The following CYB5B variants were observed in gnomAD, a reference collection of about 807,000 sequenced individuals.
CYB5B encodes the protein cytochrome b5 type B.
In CYB5B, 14 loss-of-function variants were observed where a neutral mutation model predicts 21.3. That is an observed-to-expected ratio of 0.66 (90% CI 0.43 to 1.03). The LOEUF (loss-of-function observed/expected upper bound fraction) is 1.03, where lower values mean the gene tolerates loss of function less well. Among genes scored for constraint, CYB5B ranks in the 50% least tolerant of loss-of-function variants. The pLI, the probability that CYB5B is intolerant of heterozygous loss-of-function variation, is 0.00. For missense variants in CYB5B, 166 were observed against 185.1 expected (o/e 0.90, Z 0.60); for synonymous variants, 69 against 68.4 (o/e 1.01, Z -0.04).
chr16:69,436,483 C>G (rs1261606388), intron 1 of CYB5B, among the ~76,000 whole-genome samples: 1 of 152,160 alleles, frequency 6.6e-6, no homozygotes, highest in Non-Finnish European at 1.5e-5. Context: ...CTTTTCTTAT[C>G]AGGCTCATTC....
At chr16:69,441,582 C>G (rs1046553445) in intron 1 of CYB5B, among the ~76,000 whole-genome samples, 1 of 152,202 alleles carries the variant, frequency 6.6e-6, no homozygotes, top group African/African-American at 2.4e-5. Flanking sequence ...AAATGGTACC[C>G]TGCCACTTCC....
At chr16:69,425,364 T>TC (rs1555509139) in intron 1 of CYB5B, among the ~76,000 whole-genome samples, 6 of 151,558 alleles carry the variant, frequency 4.0e-5, no homozygotes, top group African/African-American at 7.3e-5. Flanking sequence ...TGTTTTTTTT[T>TC]CCCCCTAATC....
intron 4 of CYB5B, among the ~76,000 whole-genome samples, chr16:69,460,595 T>A (rs1454465665): frequency 6.6e-6 from 1 of 152,210 alleles, no homozygotes; most frequent in Non-Finnish European, 1.5e-5. Context: ...ATAATCACTT[T>A]GGAAAACAGT....
At chr16:69,440,575 A>G (rs2014809730) in intron 1 of CYB5B, among the ~76,000 whole-genome samples, 1 of 152,162 alleles carries the variant, frequency 6.6e-6, no homozygotes, top group Admixed American at 6.5e-5. Flanking sequence ...TCAGTTCAAC[A>G]TGTTGCATTC....
At position 69,462,446 on chromosome 16, in the gene CYB5B, A is replaced by G. The variant is rs763725364; in HGVS notation, c.379A>G (p.Ile127Val). The G allele has an allele frequency of 6.2e-7, 1 of 1,613,996 alleles. No individual in the cohort carries two copies. Among genetic ancestry groups the G allele is most frequent in the East Asian group, 2.2e-5 (1 of 44,872 alleles). Residue 127 changes from isoleucine to valine, a missense_variant, in exon 5 of 5, where the codon ATT becomes GTT. Transcript: ENST00000307892. ...DTCKSCWAYW[I>V]LPIIGAVLLG... ...TATTCCTAGTTGCTGGGCATATTGG[A>G]TTTTACCCATCATAGGCGCTGTTCT...
At chr16:69,428,383 G>A (rs2014670544) in intron 1 of CYB5B, among the ~76,000 whole-genome samples, 1 of 152,088 alleles carries the variant, frequency 6.6e-6, no homozygotes, top group African/African-American at 2.4e-5. Context: ...CAGGGGGCTG[G>A]ACACGGTGGC....
chr16:69,465,390 A>T lies in CYB5B; in HGVS notation c.*2870A>T, dbSNP rs1241607967. 3 of 152,104 alleles carry T rather than the reference A, an allele frequency of 2.0e-5. No individual in the cohort carries two copies. Among genetic ancestry groups the T allele is most frequent in the Admixed American group, 6.5e-5 (1 of 15,276 alleles). 9.4% of individuals were successfully genotyped at this position (152,104 alleles called of 1,614,324 possible). A position where few individuals can be genotyped will look rare whatever the true frequency, so the allele number is the denominator to read the frequency against. On this transcript the variant is annotated 3_prime_UTR_variant, in exon 5 of 5. Transcript: ENST00000307892. ...ATGACACCAAAATTCCTCAGCCCCT[A>T]CTCAGCAATTGGTTTTGGTTTCCAA...
intron 1 of CYB5B, among the ~76,000 whole-genome samples, chr16:69,442,206 AATG>A (rs1422688779): frequency 6.6e-6 from 1 of 152,204 alleles, no homozygotes; most frequent in Non-Finnish European, 1.5e-5. Flanking sequence ...TATAATTAAT[AATG>A]CTTTTTCTTT....
chr16:69,442,899 A>G lies in CYB5B; in HGVS notation c.175-4251A>G, dbSNP rs943365939. 2.7e-5 allele frequency among the ~76,000 whole-genome samples: 4 copies of G among 150,824 alleles called. No individual in the cohort carries two copies. The Admixed American group carries it at 2.7e-4, about 10-fold the overall frequency. ...AGTTAGCAGGTTAAGGACTACTCCA[A>G]GTTCTGGCAGAGCTAATTTTTACTA... On this transcript the variant is annotated intron_variant, in intron 1 of 4. Transcript: ENST00000307892.
intron 1 of CYB5B, among the ~76,000 whole-genome samples, chr16:69,430,447 C>T (rs369385630): frequency 2.0e-5 from 3 of 152,008 alleles, no homozygotes; most frequent in East Asian, 1.9e-4. Context: ...CCTCAAACTC[C>T]GGGCTCAAGT....
At chr16:69,449,550 G>C (rs2014912201) in intron 3 of CYB5B, 2 of 152,196 alleles carry the variant, frequency 1.3e-5, no homozygotes, top group African/African-American at 2.4e-5. Context: ...GAAGTCTACA[G>C]ATTGCTTCTT....
At chr16:69,456,557 A>G (rs1297873738) in intron 3 of CYB5B, among the ~76,000 whole-genome samples, 1 of 152,168 alleles carries the variant, frequency 6.6e-6, no homozygotes, top group Non-Finnish European at 1.5e-5. Context: ...AGAACTTTGG[A>G]TTTGATTCAC....
rs1231030644 is a variant in CYB5B at position 69,424,658 on chromosome 16, A to G, written c.-26A>G. 17 of 1,505,024 alleles carry G rather than the reference A, an allele frequency of 1.1e-5. No individual in the cohort carries two copies. The highest frequency in any genetic ancestry group is 1.4e-5 in the Non-Finnish European group (16 of 1,123,070). 93.2% of individuals were successfully genotyped at this position (1,505,024 alleles called of 1,614,324 possible). A position where few individuals can be genotyped will look rare whatever the true frequency, so the allele number is the denominator to read the frequency against. ...GGCTCTCAAGGAAAGTAGTCGCGGA[A>G]TCTCAGTTAGCGGTGGAGAGGCAGT... is the stretch of plus-strand genomic sequence containing the variant. On this transcript the variant is annotated 5_prime_UTR_variant, in exon 1 of 5. Transcript: ENST00000307892.
intron 1 of CYB5B, among the ~76,000 whole-genome samples, chr16:69,436,215 A>G (rs2014758426): frequency 6.6e-6 from 1 of 152,224 alleles, no homozygotes; most frequent in African/African-American, 2.4e-5. Flanking sequence ...ACAGCCATGA[A>G]TGGGACAGGC....
chr16:69,449,844 A>G (rs908633260), intron 3 of CYB5B: 4 of 152,196 alleles, frequency 2.6e-5, no homozygotes, highest in African/African-American at 9.7e-5. Flanking sequence ...AAAACTTAGG[A>G]AAATTTAATT....
In CYB5B at chr16:69,448,308, A is replaced by G. The variant is rs561744482; in HGVS notation, c.333+164A>G. 5.6e-5 allele frequency: 41 copies of G among 735,404 alleles called. No homozygotes were observed. The African/African-American group carries it at 6.1e-4, about 11-fold the overall frequency. The allele number at this position is 735,404 out of a possible 1,614,324, so 45.6% of individuals were successfully genotyped here. A position where few individuals can be genotyped will look rare whatever the true frequency, so the allele number is the denominator to read the frequency against. On this transcript the variant is annotated intron_variant, in intron 3 of 4. Transcript: ENST00000307892. Reference sequence around the variant, plus strand: ...TTGGACTCAGTATCATCTCAGGAATAAAAGAATAGCTGAGTCTTGAACAGT... The same window carrying G: ...TTGGACTCAGTATCATCTCAGGAATGAAAGAATAGCTGAGTCTTGAACAGT...
intron 1 of CYB5B, among the ~76,000 whole-genome samples, chr16:69,432,418 T>G (rs919704051): frequency 6.6e-6 from 1 of 152,218 alleles, no homozygotes; most frequent in Non-Finnish European, 1.5e-5. Flanking sequence ...TTTGCCCAAC[T>G]GTAGGCTAAC....
Position 69,453,940 on chromosome 16 carries a change from A to T in CYB5B, c.334-5153A>T, listed in dbSNP as rs185090037. On this transcript the variant is annotated intron_variant, in intron 3 of 4. Coordinates refer to ENST00000307892, the MANE Select transcript of CYB5B (RefSeq NM_030579.3). ...AGAAAGCATAGAATGTGATGACAAA[A>T]TTACTCCTGAAAGACAAAATACCCT... is the stretch of plus-strand genomic sequence containing the variant. Among the ~76,000 whole-genome samples, 3 of 152,328 alleles carry T rather than the reference A, an allele frequency of 2.0e-5. No homozygotes were observed. The East Asian group carries it at 5.8e-4, about 29-fold the overall frequency.
At chr16:69,453,316 T>C (rs2014953950) in intron 3 of CYB5B, among the ~76,000 whole-genome samples, 1 of 152,208 alleles carries the variant, frequency 6.6e-6, no homozygotes, top group Admixed American at 6.5e-5. Flanking sequence ...AACATACAGT[T>C]TACTTCTTTT....
Sources: gnomAD v4.1 joint callset for allele counts (sites outside exome capture counted in the v4.1 genomes callset) on GRCh38, gnomAD v4.1.1 for gene constraint, MANE v1.5 for transcripts, NCBI Gene and HGNC (gene_info 2026-07-23, HGNC 2026-07-21) for gene names.